The following PCDHA12 variants were observed in gnomAD, a reference collection of about 807,000 sequenced individuals.
PCDHA12 encodes the protein protocadherin alpha 12.
In PCDHA12, 44 loss-of-function variants were observed where a neutral mutation model predicts 60.0. The ratio of observed to expected loss-of-function variants is 0.73; its 90% CI spans 0.58 to 0.94. PCDHA12 has a LOEUF of 0.94. Ranked by LOEUF, PCDHA12 falls within the 40% of genes least tolerant of loss-of-function variation. The pLI, the probability that PCDHA12 is intolerant of heterozygous loss-of-function variation, is 0.00. For synonymous variants in PCDHA12, 569 were observed against 553.0 expected, an observed-to-expected ratio of 1.03 and a Z score of -0.40; for missense variants, 1,276 against 1,239.7, an observed-to-expected ratio of 1.03 and a Z score of -0.44.
intron 3 of PCDHA12, among the ~76,000 whole-genome samples, chr5:141,002,788 A>G (rs1013908430): frequency 6.6e-6 from 1 of 152,192 alleles, no homozygotes; most frequent in Admixed American, 6.5e-5. Context: ...TCTCCATTTT[A>G]TGGATGAGGA....
intron 1 of PCDHA12, chr5:140,927,485 C>T: frequency 6.2e-7 from 1 of 1,614,098 alleles, no homozygotes; most frequent in Non-Finnish European, 8.5e-7. Context: ...CAGCGCGCCA[C>T]CCACCTGCTG....
rs548391443 is a variant in PCDHA12, at chr5:140,892,979, C to T, written c.2367+15140C>T. Among the ~76,000 whole-genome samples, 6 of 152,224 alleles carry T rather than the reference C, an allele frequency of 3.9e-5. No individual in the cohort carries two copies. The South Asian group carries it at 1.2e-3, about 32-fold the overall frequency. On this transcript the variant is annotated intron_variant, in intron 1 of 3. Transcript: ENST00000398631. ...GAGCTCAATAAAATTTTGTAGCTGC[C>T]GTATAAGTGAGAACATGTATTTATT...
At chr5:140,965,239 G>C (rs7722865) in intron 1 of PCDHA12, among the ~76,000 whole-genome samples, 9,112 of 152,230 alleles carry the variant, frequency 0.06, 825 homozygotes, top group African/African-American at 0.2. Context: ...CCTGGGAAGA[G>C]TGAATATTCA....
rs2098420299 is a variant in PCDHA12 at position 141,011,351 on chromosome 5, A to G, written c.*1414A>G. The G allele has an allele frequency of 1.3e-5, 2 of 153,694 alleles. No homozygotes were observed. Among genetic ancestry groups the G allele is most frequent in the African/African-American group, 2.4e-5 (1 of 41,410 alleles). 9.5% of individuals were successfully genotyped at this position (153,694 alleles called of 1,614,324 possible). A position where few individuals can be genotyped will look rare whatever the true frequency, so the allele number is the denominator to read the frequency against. On this transcript the variant is annotated 3_prime_UTR_variant, in exon 4 of 4. Transcript: ENST00000398631. ...TGATGTTACCTGAAATCAATCTCCC[A>G]TATGTATGCTGTATGCTATGCTAAG...
intron 3 of PCDHA12, among the ~76,000 whole-genome samples, chr5:140,994,582 G>A (rs1179279862): frequency 6.6e-6 from 1 of 152,062 alleles, no homozygotes; most frequent in Non-Finnish European, 1.5e-5. Context: ...GCATGCACTT[G>A]TAGTCTCAGC....
At chr5:140,926,740 A>G (rs1291119790) in intron 1 of PCDHA12, 2 of 1,186,206 alleles carry the variant, frequency 1.7e-6, no homozygotes, top group Non-Finnish European at 2.2e-6. Context: ...CGGGAGGCGC[A>G]ACGTCGGCGG....
At chr5:140,899,382 TGA>T (rs2067295037) in intron 1 of PCDHA12, among the ~76,000 whole-genome samples, 1 of 152,198 alleles carries the variant, frequency 6.6e-6, no homozygotes, top group Non-Finnish European at 1.5e-5. Context: ...CCTAATTTAT[TGA>T]GAGTTTTTAG....
In PCDHA12 at chr5:140,907,883, G is replaced by A. The variant is rs374762446; in HGVS notation, c.2367+30044G>A. Among the ~76,000 whole-genome samples, 394 of 152,228 alleles carry A rather than the reference G, an allele frequency of 2.6e-3. 2 individuals carry two copies. Among genetic ancestry groups the A allele is most frequent in the African/African-American group, 9.2e-3 (382 of 41,542 alleles). ...CCAGCCGTTGGTGAGCACTCACATG[G>A]GATACAAATATCTTCACAGTTTTTG... On this transcript the variant is annotated intron_variant, in intron 1 of 3. Coordinates refer to ENST00000398631, the MANE Select transcript of PCDHA12 (RefSeq NM_018903.4).
chr5:140,902,180 A>G (rs991898675), intron 1 of PCDHA12, among the ~76,000 whole-genome samples: 2 of 140,608 alleles, frequency 1.4e-5, no homozygotes, highest in East Asian at 4.1e-4. Context: ...GATGTCCTTT[A>G]TGTCTTCTCT....
At position 140,934,119 on chromosome 5, in the gene PCDHA12, C is replaced by A. The variant is rs1339301991; in HGVS notation, c.2368-44830C>A. Among the ~76,000 whole-genome samples, 6 of 152,170 alleles carry A rather than the reference C, an allele frequency of 3.9e-5. No individual in the cohort carries two copies. In the East Asian group the frequency reaches 1.2e-3, roughly 29 times the overall value. ...GCTTTCTATTTTATTAATTTTCATA[C>A]TTTATTAATTTATTTCCTTCCTTAT... On this transcript the variant is annotated intron_variant, in intron 1 of 3. Transcript: ENST00000398631.
At chr5:140,884,469 C>T (rs371718634) in intron 1 of PCDHA12, 1 of 1,613,766 alleles carries the variant, frequency 6.2e-7, no homozygotes, top group Admixed American at 1.7e-5. Flanking sequence ...GCGTGCGCGC[C>T]GGGCAAGCCC....
At chr5:140,962,947 A>T (rs2153733915) in intron 1 of PCDHA12, among the ~76,000 whole-genome samples, 2 of 152,320 alleles carry the variant, frequency 1.3e-5, no homozygotes, top group Admixed American at 1.3e-4. Context: ...TCCATAAGAT[A>T]TGCTCTATCC....
chr5:140,954,836 A>T (rs1185482098), intron 1 of PCDHA12, among the ~76,000 whole-genome samples: 1 of 152,086 alleles, frequency 6.6e-6, no homozygotes, highest in Non-Finnish European at 1.5e-5. Context: ...TTTGTCATGA[A>T]ATCTTTGCCT....
intron 1 of PCDHA12, among the ~76,000 whole-genome samples, chr5:140,932,585 T>C (rs1275216145): frequency 6.6e-6 from 1 of 151,944 alleles, no homozygotes; most frequent in Non-Finnish European, 1.5e-5. Flanking sequence ...GGTAATTAGA[T>C]GTTTTGTATA....
chr5:140,982,661 T>C, intron 3 of PCDHA12, 98 bp downstream of exon 3: 1 of 1,482,624 alleles, frequency 6.7e-7, no homozygotes, highest in Admixed American at 2.6e-5. Flanking sequence ...TCTTTTTCTT[T>C]TATATTTTTG....
intron 1 of PCDHA12, among the ~76,000 whole-genome samples, chr5:140,910,613 C>T (rs1470911168): frequency 1.3e-5 from 2 of 152,192 alleles, no homozygotes; most frequent in Admixed American, 1.3e-4. Context: ...ACTGACTAAT[C>T]CACTCCACCA....
chr5:140,966,850 CCTGCTGCTGTTG>C (rs1409933796), intron 1 of PCDHA12: 1 of 1,572,784 alleles, frequency 6.4e-7, no homozygotes, highest in Non-Finnish European at 8.6e-7. Context: ...TACTGCCTCT[CCTGCTGCTGTTG>C]CTGCTGCTGC....
intron 1 of PCDHA12, among the ~76,000 whole-genome samples, chr5:140,924,769 C>T (rs988519447): frequency 1.3e-5 from 2 of 151,766 alleles, no homozygotes; most frequent in Admixed American, 6.6e-5. Flanking sequence ...GTGGTGCGCG[C>T]TTGTAGTCCT....
chr5:140,921,151 ATTT>A (rs11299094), intron 1 of PCDHA12, among the ~76,000 whole-genome samples: 3 of 151,512 alleles, frequency 2.0e-5, no homozygotes, highest in South Asian at 2.1e-4. Context: ...CAGCTAATGC[ATTT>A]TTTTTTTAAC....
Sources: gnomAD v4.1 joint callset for allele counts (sites outside exome capture counted in the v4.1 genomes callset) on GRCh38, gnomAD v4.1.1 for gene constraint, MANE v1.5 for transcripts, NCBI Gene and HGNC (gene_info 2026-07-23, HGNC 2026-07-21) for gene names.